The following SLC9C1 variants were observed in gnomAD, a reference collection of about 807,000 sequenced individuals.
The protein encoded by SLC9C1 is solute carrier family 9 member C1, also known as sodium/hydrogen exchanger 10.
A neutral mutation model predicts 140.9 loss-of-function variants in SLC9C1; 97 were observed. That is an observed-to-expected ratio of 0.69 (90% confidence interval 0.58 to 0.82). The LOEUF (loss-of-function observed/expected upper bound fraction) is 0.82. Ranked by LOEUF, SLC9C1 falls within the 40% of genes least tolerant of loss-of-function variation. The pLI, the probability that SLC9C1 is intolerant of heterozygous loss-of-function variation, is 0.00. For missense variants in SLC9C1, 1,340 were observed against 1,389.3 expected (o/e 0.96, Z 0.56); for synonymous variants, 440 against 442.6 (o/e 0.99, Z 0.07).
chr3:112,273,723 A>G (rs549056272), intron 6 of SLC9C1, among the ~76,000 whole-genome samples: 2 of 152,332 alleles, frequency 1.3e-5, no homozygotes, highest in East Asian at 3.9e-4. Flanking sequence ...AAACAATTAC[A>G]GCTAAAATCT....
intron 15 of SLC9C1, among the ~76,000 whole-genome samples, chr3:112,213,188 C>G (rs887219182): frequency 2.6e-5 from 4 of 152,148 alleles, no homozygotes; most frequent in African/African-American, 9.7e-5. Context: ...GCCTGCCCTA[C>G]AAGAGCTCCT....
intron 26 of SLC9C1, 107 bp downstream of exon 26, chr3:112,167,114 T>A (rs1250353199): frequency 1.6e-6 from 2 of 1,250,986 alleles, no homozygotes; most frequent in African/African-American, 3.1e-5. Context: ...TTAAAAGGAT[T>A]CCTCAATATA....
In SLC9C1 at chr3:112,199,321, C is replaced by T; in HGVS notation, c.2523G>A (p.Lys841=). 2 of 1,557,432 alleles carry T rather than the reference C, an allele frequency of 1.3e-6. No homozygotes were observed. Among genetic ancestry groups the T allele is most frequent in the Non-Finnish European group, 1.7e-6 (2 of 1,156,456 alleles). The change falls in exon 20 of 29, where the codon AAG becomes AAA. Residue 841 remains lysine, a splice_region_variant and synonymous_variant. Transcript: ENST00000305815. Reference sequence around the variant, plus strand: ...TTGCTTTGAAAATATTTTGCCTTACCTTATTAATTCCAGCACCTTCAGTTT... The same window carrying T: ...TTGCTTTGAAAATATTTTGCCTTACTTTATTAATTCCAGCACCTTCAGTTT... ...ISKTEGAGIN[K]LIMAKKKEVL...
At chr3:112,229,735 T>C (rs960295374) in intron 13 of SLC9C1, among the ~76,000 whole-genome samples, 3 of 151,950 alleles carry the variant, frequency 2.0e-5, no homozygotes, top group Non-Finnish European at 4.4e-5. Flanking sequence ...CTAGAAGGGA[T>C]ATTACAAAAA....
intron 15 of SLC9C1, among the ~76,000 whole-genome samples, chr3:112,208,871 C>T (rs969726352): frequency 6.6e-6 from 1 of 152,104 alleles, no homozygotes; most frequent in African/African-American, 2.4e-5. Context: ...GTATCATGAG[C>T]ATCTTCTCTT....
intron 20 of SLC9C1, among the ~76,000 whole-genome samples, chr3:112,186,522 A>C (rs1342281524): frequency 6.6e-6 from 1 of 152,252 alleles, no homozygotes; most frequent in East Asian, 1.9e-4. Flanking sequence ...CAAAGTTATC[A>C]ATTCTCCCTA....
chr3:112,153,133 A>G (rs1398971443), intron 27 of SLC9C1, among the ~76,000 whole-genome samples: 2 of 152,214 alleles, frequency 1.3e-5, no homozygotes, highest in African/African-American at 4.8e-5. Flanking sequence ...GAGAAGAAGC[A>G]TCTACTAAAC....
At chr3:112,184,576 C>T (rs905866453) in intron 20 of SLC9C1, among the ~76,000 whole-genome samples, 5 of 152,144 alleles carry the variant, frequency 3.3e-5, no homozygotes, top group African/African-American at 1.2e-4. Context: ...ACGGGGGTTG[C>T]AGTGAGCCGA....
rs2077635930 is a variant in SLC9C1 at position 112,190,542 on chromosome 3, A to G, written c.2524-8284T>C. 2.6e-5 allele frequency among the ~76,000 whole-genome samples: 4 copies of G among 152,164 alleles called. No homozygotes were observed. The South Asian group carries it at 8.3e-4, about 32-fold the overall frequency. ...TCTATTTTCTCATAACCTAATTAGCATTGAACAATAACAGTTTTTGCCCAT... is the reference window on the plus strand; with the variant it reads ...TCTATTTTCTCATAACCTAATTAGCGTTGAACAATAACAGTTTTTGCCCAT... On this transcript the variant is annotated intron_variant, in intron 20 of 28. Transcript: ENST00000305815.
At chr3:112,180,528 CA>C (rs766872074) in intron 22 of SLC9C1, 35 bp downstream of exon 22, 1 of 1,547,050 alleles carries the variant, frequency 6.5e-7, no homozygotes, top group Non-Finnish European at 8.8e-7. Flanking sequence ...TGTCTCAAAA[CA>C]AAAAAACAAA....
intron 15 of SLC9C1, among the ~76,000 whole-genome samples, chr3:112,216,342 C>G (rs895297129): frequency 6.6e-6 from 1 of 152,056 alleles, no homozygotes; most frequent in Non-Finnish European, 1.5e-5. Context: ...CAACAAAAGC[C>G]AAAATTGACA....
chr3:112,246,423 T>A (rs567988166), intron 10 of SLC9C1, among the ~76,000 whole-genome samples: 9 of 152,248 alleles, frequency 5.9e-5, no homozygotes, highest in African/African-American at 2.2e-4. Flanking sequence ...ACTTAAACGA[T>A]TTTCCAAGTT....
At chr3:112,206,954 C>A (rs2078070192) in intron 16 of SLC9C1, among the ~76,000 whole-genome samples, 1 of 152,070 alleles carries the variant, frequency 6.6e-6, no homozygotes, top group East Asian at 1.9e-4. Context: ...TGTAATAAAC[C>A]TGCACGTTGT....
chr3:112,218,888 T>A (rs1454132375), intron 14 of SLC9C1, among the ~76,000 whole-genome samples: 1 of 152,242 alleles, frequency 6.6e-6, no homozygotes, highest in Non-Finnish European at 1.5e-5. Context: ...AGACCTGATT[T>A]AGGGAAACAG....
At chr3:112,244,839 CAT>C (rs949358713) in intron 10 of SLC9C1, among the ~76,000 whole-genome samples, 28 of 152,276 alleles carry the variant, frequency 1.8e-4, no homozygotes, top group Admixed American at 1.4e-3. Flanking sequence ...ACATTAGAAT[CAT>C]AAGGGAAACT....
At chr3:112,160,501 T>G (rs2075265132) in intron 26 of SLC9C1, among the ~76,000 whole-genome samples, 1 of 150,004 alleles carries the variant, frequency 6.7e-6, no homozygotes, top group African/African-American at 2.4e-5. Context: ...TTCCCACTTA[T>G]GAGTGAGAGT....
chr3:112,179,405 A>G lies in SLC9C1; in HGVS notation c.2919+126T>C, dbSNP rs192008489. 6.3e-5 allele frequency: 69 copies of G among 1,096,240 alleles called. No homozygotes were observed. In the East Asian group the frequency reaches 1.3e-3, roughly 20 times the overall value. The allele number at this position is 1,096,240 out of a possible 1,614,324, so 67.9% of individuals were successfully genotyped here. A position where few individuals can be genotyped will look rare whatever the true frequency, so the allele number is the denominator to read the frequency against. On this transcript the variant is annotated intron_variant, in intron 23 of 28. Transcript: ENST00000305815. ...GTAATTCGGCAAGTTTTGTTCCTTT[A>G]TAATTCCTAGTTTTTAAAAGTAAAT...
intron 6 of SLC9C1, among the ~76,000 whole-genome samples, chr3:112,273,248 G>A (rs1468508251): frequency 6.6e-6 from 1 of 151,946 alleles, no homozygotes; most frequent in African/African-American, 2.4e-5. Context: ...TTTATGGTGA[G>A]CGCTCTCTGA....
At chr3:112,209,000 A>G (rs2078129190) in intron 15 of SLC9C1, among the ~76,000 whole-genome samples, 1 of 152,192 alleles carries the variant, frequency 6.6e-6, no homozygotes, top group Non-Finnish European at 1.5e-5. Flanking sequence ...TCCATATTCA[A>G]TATGATGGAG....
Sources: allele counts gnomAD v4.1 joint callset (sites outside exome capture counted in the v4.1 genomes callset), GRCh38; gene constraint gnomAD v4.1.1; transcripts MANE v1.5; gene names NCBI Gene and HGNC (gene_info 2026-07-23, HGNC 2026-07-21).